MCPH1: variants seen among roughly 807,000 people sequenced by gnomAD.
The protein encoded by MCPH1 is microcephalin.
Under a neutral mutation model 84.5 loss-of-function variants are expected in MCPH1, and 104 were observed. That is an observed-to-expected ratio of 1.23 (90% CI 1.05 to 1.45). The LOEUF is 1.45. Ranked by LOEUF, MCPH1 falls within the 40% of genes most tolerant of loss-of-function variation. The pLI is 0.00. For missense variants in MCPH1, 1,498 were observed against 1,005.7 expected (o/e 1.49, Z -6.62); for synonymous variants, 514 against 366.8 (o/e 1.40, Z -4.58).
At chr8:6,424,726 C>G (rs1800803178) in intron 3 of MCPH1, among the ~76,000 whole-genome samples, 2 of 152,224 alleles carry the variant, frequency 1.3e-5, no homozygotes, top group South Asian at 4.1e-4. Context: ...CTCTAGGTTC[C>G]TCCAGTAGCT....
chr8:6,589,986 G>C lies in MCPH1; in HGVS notation c.2215-31468G>C, dbSNP rs150539163. ...TAAAAGACATGCATTAAAAAGACAT[G>C]GCACTGTCCCCGAAACGATCTTGCT... On this transcript the variant is annotated intron_variant, in intron 12 of 13. Transcript: ENST00000344683. Among the ~76,000 whole-genome samples, 1,184 of 152,236 alleles carry C rather than the reference G, an allele frequency of 7.8e-3. 14 individuals are homozygous for C. Among genetic ancestry groups the C allele is most frequent in the African/African-American group, 0.027 (1,134 of 41,530 alleles).
At chr8:6,593,585 C>T (rs1404069476) in intron 12 of MCPH1, among the ~76,000 whole-genome samples, 2 of 152,116 alleles carry the variant, frequency 1.3e-5, no homozygotes, top group Non-Finnish European at 2.9e-5. Flanking sequence ...GACTCCTGAC[C>T]TCAGGTGATC....
intron 11 of MCPH1, among the ~76,000 whole-genome samples, chr8:6,489,083 G>C (rs1430715271): frequency 6.6e-6 from 1 of 152,104 alleles, no homozygotes; most frequent in Non-Finnish European, 1.5e-5. Context: ...TGTGTGCAAG[G>C]TTTGGGGTAC....
At chr8:6,506,775 T>C (rs1252432393) in intron 12 of MCPH1, among the ~76,000 whole-genome samples, 1 of 151,512 alleles carries the variant, frequency 6.6e-6, no homozygotes, top group Non-Finnish European at 1.5e-5. Flanking sequence ...AACCAGAGGA[T>C]TGCTTTTTTT....
At chr8:6,611,756 C>T (rs539141201) in intron 12 of MCPH1, among the ~76,000 whole-genome samples, 1 of 152,176 alleles carries the variant, frequency 6.6e-6, no homozygotes, top group Non-Finnish European at 1.5e-5. Context: ...GTAGCTGGGA[C>T]TACAGGCGTC....
In MCPH1 at chr8:6,414,825, A is replaced by C; in HGVS notation, c.175A>C (p.Thr59Pro). 2.5e-6 allele frequency: 4 copies of C among 1,613,912 alleles called. No homozygotes were observed. The highest frequency in any genetic ancestry group is 3.4e-6 in the Non-Finnish European group (4 of 1,179,888). The change falls in exon 3 of 14, where the codon ACT becomes CCT. Residue 59 changes from threonine to proline, a missense_variant. Thr to Pro is a conservative substitution (Grantham distance 38). Transcript: ENST00000344683. ...TATCTTCAAAGATGGCTACCAGAGC[A>C]CTTGGGACAAAGCTCAGAAGAGAGG... The part of the protein sequence containing the change: ...HVIFKDGYQS[T>P]WDKAQKRGVK...
intron 12 of MCPH1, among the ~76,000 whole-genome samples, chr8:6,551,645 G>T (rs1391980343): frequency 3.3e-5 from 5 of 152,116 alleles, no homozygotes; most frequent in African/African-American, 7.2e-5. Flanking sequence ...AATGATTCAG[G>T]TCAGGAATTC....
At position 6,444,749 on chromosome 8, in the gene MCPH1, C is replaced by A; in HGVS notation, c.1027C>A (p.Leu343Ile). The A allele has an allele frequency of 6.2e-7, 1 of 1,614,054 alleles. No individual in the cohort carries two copies. Among genetic ancestry groups the A allele is most frequent in the Non-Finnish European group, 8.5e-7 (1 of 1,179,996 alleles). Residue 343 changes from leucine to isoleucine, a missense_variant, in exon 8 of 14, where the codon CTT becomes ATT. Physicochemically the swap from Leu to Ile is conservative, Grantham distance 5. Coordinates refer to ENST00000344683, the MANE Select transcript of MCPH1 (RefSeq NM_024596.5). Reference protein sequence around the residue: ...SPTLSSTKGHLLIHSRPRSSS... With the variant: ...SPTLSSTKGHILIHSRPRSSS... ...TACCTTATCTTCAACAAAAGGCCAC[C>A]TTTTGATACATTCAAGACCCAGGAG...
chr8:6,410,844 T>A (rs1252860007), intron 2 of MCPH1, among the ~76,000 whole-genome samples: 1 of 152,012 alleles, frequency 6.6e-6, no homozygotes, highest in Non-Finnish European at 1.5e-5. Context: ...AAACAGGCAT[T>A]ATTAGGAGGC....
intron 8 of MCPH1, among the ~76,000 whole-genome samples, chr8:6,447,836 A>G (rs1286242707): frequency 2.0e-5 from 3 of 152,176 alleles, no homozygotes; most frequent in African/African-American, 7.2e-5. Flanking sequence ...GGCGTGAGCT[A>G]CCGCGCCCGG....
chr8:6,457,366 C>A (rs965246307), intron 9 of MCPH1, among the ~76,000 whole-genome samples: 1 of 152,044 alleles, frequency 6.6e-6, no homozygotes, highest in African/African-American at 2.4e-5. Context: ...GGGCGGATCA[C>A]TTGAGGTCAG....
chr8:6,588,626 G>A (rs1330675544), intron 12 of MCPH1, among the ~76,000 whole-genome samples: 4 of 152,272 alleles, frequency 2.6e-5, no homozygotes, highest in Non-Finnish European at 5.9e-5. Flanking sequence ...GTTAAACCGT[G>A]TCTCTGGCGG....
At chr8:6,583,490 A>G (rs1827728453) in intron 12 of MCPH1, among the ~76,000 whole-genome samples, 1 of 152,198 alleles carries the variant, frequency 6.6e-6, no homozygotes, top group Admixed American at 6.5e-5. Flanking sequence ...CAGCACAGGG[A>G]AGAGATCAAG....
chr8:6,520,833 TC>T (rs769453104), intron 12 of MCPH1, among the ~76,000 whole-genome samples: 1 of 152,218 alleles, frequency 6.6e-6, no homozygotes, highest in Non-Finnish European at 1.5e-5. Context: ...TTAATGGCCA[TC>T]CCATGGGTCT....
chr8:6,516,620 T>TA (rs1816323056), intron 12 of MCPH1, among the ~76,000 whole-genome samples: 1 of 152,214 alleles, frequency 6.6e-6, no homozygotes, highest in South Asian at 2.1e-4. Context: ...TATTTCTTTT[T>TA]AAAAATCTAT....
chr8:6,486,321 GTCC>G (rs1809919005), intron 11 of MCPH1, among the ~76,000 whole-genome samples: 2 of 149,158 alleles, frequency 1.3e-5, no homozygotes, highest in African/African-American at 5.0e-5. Context: ...TCGCTCTCTC[GTCC>G]TCCTCCTTCT....
chr8:6,434,802 G>A (rs998561050), intron 4 of MCPH1, among the ~76,000 whole-genome samples: 2 of 152,186 alleles, frequency 1.3e-5, no homozygotes, highest in Non-Finnish European at 2.9e-5. Flanking sequence ...TGGTAGCTTC[G>A]CGCTGAAAAC....
chr8:6,472,560 G>C (rs1807885145), intron 9 of MCPH1, among the ~76,000 whole-genome samples: 1 of 152,018 alleles, frequency 6.6e-6, no homozygotes, highest in Non-Finnish European at 1.5e-5. Flanking sequence ...CCGCCTCCTG[G>C]GTTTCAAGCC....
At chr8:6,523,991 C>G (rs759594587) in intron 12 of MCPH1, among the ~76,000 whole-genome samples, 2 of 151,826 alleles carry the variant, frequency 1.3e-5, no homozygotes, top group Non-Finnish European at 2.9e-5. Context: ...GCAGGAAAAG[C>G]AGCAACTAAA....
Sources: allele counts gnomAD v4.1 joint callset (sites outside exome capture counted in the v4.1 genomes callset), GRCh38; gene constraint gnomAD v4.1.1; transcripts MANE v1.5; gene names NCBI Gene and HGNC (gene_info 2026-07-23, HGNC 2026-07-21).